ADAM22: variants seen among roughly 807,000 people sequenced by gnomAD.
ADAM22 encodes ADAM metallopeptidase domain 22, also known as disintegrin and metalloproteinase domain-containing protein 22.
In ADAM22, 65 loss-of-function variants were observed where a neutral mutation model predicts 144.6. That is an observed-to-expected ratio of 0.45 (90% CI 0.37 to 0.55). ADAM22 has a LOEUF of 0.55. Ranked by LOEUF, ADAM22 falls within the 20% of genes least tolerant of loss-of-function variation. The pLI is 0.00. For synonymous variants in ADAM22, 391 were observed against 412.6 expected (o/e 0.95, Z 0.63); for missense variants, 974 against 1,184.9 (o/e 0.82, Z 2.61).
At chr7:88,115,954 A>G (rs1194735649) in intron 6 of ADAM22, among the ~76,000 whole-genome samples, 1 of 152,226 alleles carries the variant, frequency 6.6e-6, no homozygotes, top group Non-Finnish European at 1.5e-5. Flanking sequence ...CTCTGTACAT[A>G]CAAATGTTCT....
chr7:87,934,261 T>TC lies in ADAM22; in HGVS notation c.-199dup, dbSNP rs1013395814. 71 of 507,514 alleles carry TC rather than the reference T, an allele frequency of 1.4e-4. No homozygotes were observed. Among genetic ancestry groups the TC allele is most frequent in the Non-Finnish European group, 2.4e-4 (69 of 292,700 alleles). 31.4% of individuals were successfully genotyped at this position (507,514 alleles called of 1,614,324 possible). Reference sequence around the variant, plus strand: ...ACCGCCCAATGCAGCACTCGCTCGCTCCCCCCGCCAGCGGAAGCGTCCGCG... The same window carrying TC: ...ACCGCCCAATGCAGCACTCGCTCGCTCCCCCCCGCCAGCGGAAGCGTCCGCG... On this transcript the variant is annotated 5_prime_UTR_variant, in exon 1 of 32. Transcript: ENST00000413139.
At chr7:87,986,102 G>A (rs748316423) in intron 3 of ADAM22, among the ~76,000 whole-genome samples, 1 of 152,056 alleles carries the variant, frequency 6.6e-6, no homozygotes, top group Non-Finnish European at 1.5e-5. Flanking sequence ...TGAAATCTAC[G>A]TTGAACTTTT....
chr7:87,971,027 T>C (rs1850312915), intron 2 of ADAM22, among the ~76,000 whole-genome samples: 1 of 152,160 alleles, frequency 6.6e-6, no homozygotes, highest in Admixed American at 6.5e-5. Flanking sequence ...GCACATACTT[T>C]ACCATATCCA....
At chr7:88,149,254 A>G (rs1376499243) in intron 18 of ADAM22, among the ~76,000 whole-genome samples, 197 bp downstream of exon 18, 1 of 152,192 alleles carries the variant, frequency 6.6e-6, no homozygotes. Context: ...TTAACGTTGA[A>G]CTAACCTCAG....
At chr7:88,057,424 T>C (rs1808583094) in intron 3 of ADAM22, among the ~76,000 whole-genome samples, 1 of 152,238 alleles carries the variant, frequency 6.6e-6, no homozygotes, top group East Asian at 1.9e-4. Context: ...GGAAACTGTT[T>C]TTTCTTGTAT....
intron 3 of ADAM22, among the ~76,000 whole-genome samples, chr7:88,015,035 A>G (rs1796251477): frequency 6.6e-6 from 1 of 152,236 alleles, no homozygotes; most frequent in Non-Finnish European, 1.5e-5. Flanking sequence ...GATACAGGGT[A>G]GAACTTTAAG....
intron 20 of ADAM22, among the ~76,000 whole-genome samples, 178 bp downstream of exon 20, chr7:88,151,498 CA>C (rs1234954030): frequency 6.6e-6 from 1 of 152,196 alleles, no homozygotes; most frequent in African/African-American, 2.4e-5. Flanking sequence ...CTTTGAGAAG[CA>C]GCCCCACACA....
At chr7:87,971,356 T>A (rs1450765715) in intron 2 of ADAM22, among the ~76,000 whole-genome samples, 1 of 152,146 alleles carries the variant, frequency 6.6e-6, no homozygotes, top group Non-Finnish European at 1.5e-5. Flanking sequence ...TGAAATATGA[T>A]GAAAAAGGCC....
chr7:87,953,765 G>A (rs1390725006), intron 2 of ADAM22, among the ~76,000 whole-genome samples: 3 of 152,092 alleles, frequency 2.0e-5, no homozygotes, highest in Non-Finnish European at 2.9e-5. Context: ...CATTATTATT[G>A]TGTGGGAGTC....
chr7:88,133,326 G>T (rs368255463), intron 12 of ADAM22, among the ~76,000 whole-genome samples: 3 of 151,480 alleles, frequency 2.0e-5, no homozygotes, highest in African/African-American at 7.3e-5. Flanking sequence ...TTGCGCCACT[G>T]CACTCCAGCC....
chr7:88,069,603 T>G (rs986677033), intron 3 of ADAM22, among the ~76,000 whole-genome samples: 9 of 152,222 alleles, frequency 5.9e-5, no homozygotes, highest in African/African-American at 2.2e-4. Flanking sequence ...ATATGCAGAA[T>G]GCATTGAATT....
chr7:87,943,754 A>G (rs754560570), intron 2 of ADAM22, among the ~76,000 whole-genome samples: 6 of 152,344 alleles, frequency 3.9e-5, no homozygotes, highest in Non-Finnish European at 7.4e-5. Flanking sequence ...TAAAGAACGT[A>G]AATCATTCTC....
At chr7:88,130,665 A>G (rs529750250) in intron 10 of ADAM22, among the ~76,000 whole-genome samples, 2 of 152,162 alleles carry the variant, frequency 1.3e-5, no homozygotes, top group Non-Finnish European at 2.9e-5. Flanking sequence ...ATCCATAGAT[A>G]TGCTTGAAAT....
At chr7:88,187,083 T>G (rs1309279491) in intron 30 of ADAM22, among the ~76,000 whole-genome samples, 1 of 152,208 alleles carries the variant, frequency 6.6e-6, no homozygotes, top group African/African-American at 2.4e-5. Context: ...TAATGCATTT[T>G]TCCTACTTAC....
At chr7:88,139,991 A>G (rs1834130889) in intron 14 of ADAM22, among the ~76,000 whole-genome samples, 1 of 152,226 alleles carries the variant, frequency 6.6e-6, no homozygotes, top group Non-Finnish European at 1.5e-5. Flanking sequence ...GCATGGCACC[A>G]GCATCTGCTT....
At position 87,982,046 on chromosome 7, in the gene ADAM22, T is replaced by TAC. The variant is rs1434189757; in HGVS notation, c.323+3635_323+3636insCA. 5.3e-4 allele frequency among the ~76,000 whole-genome samples: 16 copies of TAC among 30,068 alleles called. No homozygotes were observed. The East Asian group carries it at 7.7e-3, about 15-fold the overall frequency. 19.7% of individuals were successfully genotyped at this position (30,068 alleles called of 152,430 possible). A position where few individuals can be genotyped will look rare whatever the true frequency, so the allele number is the denominator to read the frequency against. On this transcript the variant is annotated intron_variant, in intron 3 of 31. Coordinates refer to ENST00000413139, the MANE Select transcript of ADAM22 (RefSeq NM_001324418.2). ...GTTTGGAATCCTTATGTTTATTTCA[T>TAC]ATATATATATATATATATATATACA...
intron 16 of ADAM22, 104 bp downstream of exon 16, chr7:88,145,300 G>A (rs1836048785): frequency 1.3e-6 from 2 of 1,497,888 alleles, no homozygotes; most frequent in Non-Finnish European, 1.8e-6. Context: ...GAATTTTATA[G>A]GATTTGTGGA....
intron 2 of ADAM22, among the ~76,000 whole-genome samples, chr7:87,967,049 C>T (rs187719348): frequency 3.7e-4 from 57 of 152,084 alleles, no homozygotes; most frequent in Admixed American, 1.6e-3. Context: ...AGGGGCTTTT[C>T]CCTCACTTCA....
chr7:88,181,207 G>T (rs1481677155), intron 27 of ADAM22, among the ~76,000 whole-genome samples: 1 of 152,026 alleles, frequency 6.6e-6, no homozygotes, highest in Non-Finnish European at 1.5e-5. Context: ...TAGTGAATTT[G>T]CTCTGTGGTT....
Sources: gnomAD v4.1 joint callset for allele counts (sites outside exome capture counted in the v4.1 genomes callset) on GRCh38, gnomAD v4.1.1 for gene constraint, MANE v1.5 for transcripts, NCBI Gene and HGNC (gene_info 2026-07-23, HGNC 2026-07-21) for gene names.